Variants in USH2A observed in about 807,000 individuals in gnomAD.
USH2A encodes Usher syndrome 2A (autosomal recessive, mild).
In USH2A, 443 loss-of-function variants were observed where a neutral mutation model predicts 538.9. That is an observed-to-expected ratio of 0.82 (90% CI 0.76 to 0.89). USH2A has a LOEUF of 0.89. Among genes scored for constraint, USH2A ranks in the 40% least tolerant of loss-of-function variants. USH2A has a pLI of 0.00. For missense variants in USH2A, 6,633 were observed against 6,324.8 expected (o/e 1.05, Z -1.65); for synonymous variants, 2,413 against 2,273.5 (o/e 1.06, Z -1.75).
At chr1:216,100,763 A>G (rs1170354360) in intron 21 of USH2A, among the ~76,000 whole-genome samples, 3 of 152,220 alleles carry the variant, frequency 2.0e-5, no homozygotes, top group Non-Finnish European at 2.9e-5. Context: ...ATGAAAATAA[A>G]TCAGTAAGAA....
chr1:215,779,334 T>C (rs888983708), intron 55 of USH2A, among the ~76,000 whole-genome samples: 31 of 152,274 alleles, frequency 2.0e-4, no homozygotes, highest in African/African-American at 7.2e-4. Context: ...CTAATGATAA[T>C]AAACATTATA....
chr1:216,335,726 G>T (rs1571713949), intron 4 of USH2A, among the ~76,000 whole-genome samples: 1 of 151,462 alleles, frequency 6.6e-6, no homozygotes, highest in Admixed American at 6.6e-5. Context: ...GACTTAAGAA[G>T]AAATTAGCAA....
chr1:215,741,591 T>C, intron 59 of USH2A, 54 bp from the exon 60 acceptor site: 1 of 1,579,544 alleles, frequency 6.3e-7, no homozygotes, highest in Non-Finnish European at 8.6e-7. Context: ...GGAAAAGAAC[T>C]ACATATTCAT....
chr1:216,203,302 A>G (rs530147935), intron 16 of USH2A, among the ~76,000 whole-genome samples: 9 of 151,944 alleles, frequency 5.9e-5, no homozygotes, highest in Non-Finnish European at 1.3e-4. Flanking sequence ...TTTTTCCTAT[A>G]CATACATATC....
intron 70 of USH2A, 45 bp from the exon 71 acceptor site, chr1:215,629,080 G>A: frequency 6.4e-7 from 1 of 1,554,826 alleles, no homozygotes; most frequent in Non-Finnish European, 8.9e-7. Flanking sequence ...AAAGAATATG[G>A]GCTTGAAATA....
chr1:215,981,335 A>G (rs1396114914), intron 35 of USH2A, among the ~76,000 whole-genome samples: 3 of 152,100 alleles, frequency 2.0e-5, no homozygotes, highest in Non-Finnish European at 2.9e-5. Context: ...TGTTCTAAAT[A>G]TCATCTCTCT....
intron 64 of USH2A, among the ~76,000 whole-genome samples, chr1:215,669,771 A>G (rs552001068): frequency 6.6e-6 from 1 of 152,320 alleles, no homozygotes; most frequent in East Asian, 1.9e-4. Context: ...ATATTTTTAA[A>G]TCTTATTAAT....
intron 49 of USH2A, among the ~76,000 whole-genome samples, chr1:215,799,707 C>A (rs1662263419): frequency 6.6e-6 from 1 of 152,052 alleles, no homozygotes; most frequent in Non-Finnish European, 1.5e-5. Context: ...GATAATCCAC[C>A]AGGTGTGGTG....
At chr1:216,342,063 T>G (rs1421003567) in intron 4 of USH2A, among the ~76,000 whole-genome samples, 1 of 152,112 alleles carries the variant, frequency 6.6e-6, no homozygotes, top group Non-Finnish European at 1.5e-5. Flanking sequence ...GTAGGCAACC[T>G]ACAGAATGGG....
chr1:216,279,396 C>G lies in USH2A; in HGVS notation c.1971+9884G>C, dbSNP rs145666647. Among the ~76,000 whole-genome samples the G allele has an allele frequency of 4.8e-3, 734 of 152,164 alleles. 5 individuals carry two copies. Among genetic ancestry groups the G allele is most frequent in the Middle Eastern group, 6.8e-3 (2 of 294 alleles). ...GGAGCAAAGTAAACCCACAACTGAC[C>G]AAGAGTATACATGTGCTCGTGAGTA... is the stretch of plus-strand genomic sequence containing the variant. On this transcript the variant is annotated intron_variant, in intron 11 of 71. Coordinates refer to ENST00000307340, the MANE Select transcript of USH2A (RefSeq NM_206933.4).
intron 4 of USH2A, among the ~76,000 whole-genome samples, chr1:216,343,497 G>A (rs997948851): frequency 7.5e-5 from 11 of 147,180 alleles, no homozygotes; most frequent in Non-Finnish European, 1.6e-4. Context: ...CTGCACTCCA[G>A]CCTGGGCGAC....
rs1300984501 is a variant in USH2A at position 216,322,003 on chromosome 1, T to C, written c.1551-27A>G. On this transcript the variant is annotated intron_variant, in intron 8 of 71. Coordinates refer to ENST00000307340, the MANE Select transcript of USH2A (RefSeq NM_206933.4). Reference sequence around the variant, plus strand: ...TGCAAACATGAGCATCACACACTCCTAAGGAACACCAACTCAACTGTGAAT... The same window carrying C: ...TGCAAACATGAGCATCACACACTCCCAAGGAACACCAACTCAACTGTGAAT... 9.3e-6 allele frequency: 15 copies of C among 1,606,160 alleles called. No homozygotes were observed. The East Asian group carries it at 3.4e-4, about 36-fold the overall frequency.
At chr1:215,885,350 C>A (rs1488057701) in intron 41 of USH2A, among the ~76,000 whole-genome samples, 1 of 152,036 alleles carries the variant, frequency 6.6e-6, no homozygotes, top group Non-Finnish European at 1.5e-5. Context: ...GTATATCATT[C>A]TTTTAATATA....
chr1:215,872,050 T>A (rs1322004040), intron 43 of USH2A, among the ~76,000 whole-genome samples: 1 of 152,246 alleles, frequency 6.6e-6, no homozygotes, highest in Admixed American at 6.5e-5. Flanking sequence ...CCAATATAAA[T>A]CACGCTTCTG....
intron 61 of USH2A, among the ~76,000 whole-genome samples, chr1:215,725,904 T>C (rs1405785955): frequency 1.3e-5 from 2 of 152,300 alleles, no homozygotes; most frequent in African/African-American, 2.4e-5. Flanking sequence ...CATGGATTCA[T>C]CATATACTTT....
At chr1:215,629,127 G>T (rs1347238841) in intron 70 of USH2A, 92 bp from the exon 71 acceptor site, 30 of 1,278,894 alleles carry the variant, frequency 2.3e-5, no homozygotes, top group Admixed American at 6.9e-5. Context: ...GTCAGTGAAG[G>T]GAATGACTGT....
chr1:216,362,643 A>C (rs1420885658), intron 4 of USH2A, among the ~76,000 whole-genome samples: 3 of 152,126 alleles, frequency 2.0e-5, no homozygotes, highest in Admixed American at 2.0e-4. Flanking sequence ...TAATAACATT[A>C]ATAATAGTAT....
intron 37 of USH2A, among the ~76,000 whole-genome samples, chr1:215,958,152 T>G (rs1299914257): frequency 1.3e-5 from 2 of 152,124 alleles, no homozygotes; most frequent in Non-Finnish European, 2.9e-5. Context: ...TTCCATCTTG[T>G]AATTTTTATA....
intron 61 of USH2A, among the ~76,000 whole-genome samples, chr1:215,717,795 C>G (rs1268412612): frequency 1.3e-5 from 2 of 152,080 alleles, no homozygotes; most frequent in Admixed American, 1.3e-4. Flanking sequence ...AGCAATAGCC[C>G]AGGTTTTCAA....
Sources: gnomAD v4.1 joint callset for allele counts (sites outside exome capture counted in the v4.1 genomes callset) on GRCh38, gnomAD v4.1.1 for gene constraint, MANE v1.5 for transcripts, NCBI Gene and HGNC (gene_info 2026-07-23, HGNC 2026-07-21) for gene names.